CNTN6: variants seen among roughly 807,000 people sequenced by gnomAD.
The protein encoded by CNTN6 is contactin-6.
A neutral mutation model predicts 122.8 loss-of-function variants in CNTN6; 137 were observed. The observed-to-expected ratio is 1.12, with a 90% CI of 0.97 to 1.29. The LOEUF is 1.29. Among genes scored for constraint, CNTN6 ranks in the 50% most tolerant of loss-of-function variants. CNTN6 has a pLI of 0.00. For missense variants in CNTN6, 1,634 were observed against 1,223.4 expected, an observed-to-expected ratio of 1.34 and a Z score of -5.01; for synonymous variants, 570 against 426.0, an observed-to-expected ratio of 1.34 and a Z score of -4.16.
chr3:1,115,674 C>G (rs2091689754), intron 1 of CNTN6, among the ~76,000 whole-genome samples: 1 of 152,176 alleles, frequency 6.6e-6, no homozygotes, highest in African/African-American at 2.4e-5. Context: ...ATTGCTTGAA[C>G]CCGGGAGGCA....
intron 20 of CNTN6, among the ~76,000 whole-genome samples, chr3:1,393,734 A>G (rs150696336): frequency 1.6e-4 from 24 of 152,158 alleles, no homozygotes; most frequent in African/African-American, 4.6e-4. Context: ...AACTTTTATT[A>G]TACATAATCC....
intron 20 of CNTN6, among the ~76,000 whole-genome samples, chr3:1,399,944 TG>T (rs1695473076): frequency 6.6e-6 from 1 of 152,048 alleles, no homozygotes; most frequent in South Asian, 2.1e-4. Flanking sequence ...ACATCCCAAC[TG>T]GACTGTAAGT....
At chr3:1,237,060 A>G (rs1336922443) in intron 4 of CNTN6, among the ~76,000 whole-genome samples, 3 of 152,054 alleles carry the variant, frequency 2.0e-5, no homozygotes, top group Non-Finnish European at 2.9e-5. Context: ...CAGCCTGGGC[A>G]ACAGTGCGAG....
In CNTN6 at chr3:1,289,178, GT is replaced by G. The variant is rs71619484; in HGVS notation, c.455-6413del. ...GGTTTTTAAACTTCCAGTTTGGAAG[GT>G]TTTTTTTTTCTTTCCCCATTGAAAG... On this transcript the variant is annotated intron_variant, in intron 5 of 22. Coordinates refer to ENST00000446702, the MANE Select transcript of CNTN6 (RefSeq NM_001289080.2). Among the ~76,000 whole-genome samples, 6 of 150,568 alleles carry G rather than the reference GT, an allele frequency of 4.0e-5. No homozygotes were observed. In the South Asian group the frequency reaches 6.3e-4, roughly 16 times the overall value.
chr3:1,310,395 A>C (rs1373283483), intron 7 of CNTN6, among the ~76,000 whole-genome samples: 2 of 152,066 alleles, frequency 1.3e-5, no homozygotes. Context: ...TTTTTCTTCT[A>C]TTCATTAGTG....
intron 1 of CNTN6, among the ~76,000 whole-genome samples, chr3:1,108,823 A>G (rs1313602095): frequency 1.3e-5 from 2 of 152,090 alleles, no homozygotes; most frequent in South Asian, 2.1e-4. Flanking sequence ...AAGATTTACT[A>G]TTTTGTAAGG....
At chr3:1,096,853 C>G (rs2090552642) in intron 1 of CNTN6, among the ~76,000 whole-genome samples, 1 of 152,170 alleles carries the variant, frequency 6.6e-6, no homozygotes, top group African/African-American at 2.4e-5. Context: ...TGTCCACTAA[C>G]ATTTTCACTG....
intron 11 of CNTN6, among the ~76,000 whole-genome samples, chr3:1,344,898 T>C (rs1305148979): frequency 6.6e-6 from 1 of 152,174 alleles, no homozygotes; most frequent in Non-Finnish European, 1.5e-5. Flanking sequence ...AGTGGCCAGA[T>C]TTAGGTTTGT....
At chr3:1,226,202 G>A (rs1336238009) in intron 3 of CNTN6, among the ~76,000 whole-genome samples, 2 of 151,986 alleles carry the variant, frequency 1.3e-5, no homozygotes, top group South Asian at 2.1e-4. Context: ...TATGTAAAAT[G>A]TCATTTTTTA....
chr3:1,332,660 C>A lies in CNTN6; in HGVS notation c.1364+2725C>A, dbSNP rs190208944. On this transcript the variant is annotated intron_variant, in intron 11 of 22. Transcript: ENST00000446702. ...TATAGTAAAAAGATTTCAGCCCCCA[C>A]CCTGTTGAGAGCCTGACTTTGGCAA... is the stretch of plus-strand genomic sequence containing the variant. 5.9e-5 allele frequency among the ~76,000 whole-genome samples: 9 copies of A among 152,024 alleles called. No homozygotes were observed. In the East Asian group the frequency reaches 9.7e-4, roughly 16 times the overall value.
chr3:1,163,964 T>G (rs2093191432), intron 2 of CNTN6, among the ~76,000 whole-genome samples: 1 of 152,174 alleles, frequency 6.6e-6, no homozygotes, highest in Non-Finnish European at 1.5e-5. Flanking sequence ...AACAACAAGT[T>G]TCACTAGACT....
intron 5 of CNTN6, among the ~76,000 whole-genome samples, chr3:1,285,035 A>C (rs1202277620): frequency 1.3e-5 from 2 of 152,288 alleles, no homozygotes; most frequent in Non-Finnish European, 2.9e-5. Flanking sequence ...GCTTTCTCTG[A>C]CTTTCATTTG....
chr3:1,131,623 G>A lies in CNTN6; in HGVS notation c.-82-16304G>A, dbSNP rs569054387. On this transcript the variant is annotated intron_variant, in intron 1 of 22. Transcript: ENST00000446702. ...GTGTGGCAAGGAAGACCTCAAGGCAGTTAGCACCTGGGAACCTCCAGGGAT... is the reference window on the plus strand; with the variant it reads ...GTGTGGCAAGGAAGACCTCAAGGCAATTAGCACCTGGGAACCTCCAGGGAT... Among the ~76,000 whole-genome samples, 12 of 152,252 alleles carry A rather than the reference G, an allele frequency of 7.9e-5. No individual in the cohort carries two copies. The South Asian group carries it at 2.5e-3, about 32-fold the overall frequency.
At chr3:1,378,615 C>T (rs936265061) in intron 17 of CNTN6, among the ~76,000 whole-genome samples, 2 of 151,998 alleles carry the variant, frequency 1.3e-5, no homozygotes, top group East Asian at 1.9e-4. Flanking sequence ...AGGGGGAAAC[C>T]CTATTTTTTC....
chr3:1,234,941 A>T (rs905380962), intron 4 of CNTN6, among the ~76,000 whole-genome samples: 1 of 152,198 alleles, frequency 6.6e-6, no homozygotes, highest in Admixed American at 6.5e-5. Flanking sequence ...AAACAAATAG[A>T]CTGTAAGCAG....
At chr3:1,119,352 T>TGTGTGTGTGTGTGTGG (rs1323991755) in intron 1 of CNTN6, among the ~76,000 whole-genome samples, 112 of 150,842 alleles carry the variant, frequency 7.4e-4, no homozygotes, top group Admixed American at 2.1e-3. Flanking sequence ...TGTGTGTGTG[T>TGTGTGTGTGTGTGTGG]GGAGAATGTC....
chr3:1,383,440 A>C (rs749123377), intron 19 of CNTN6, 32 bp downstream of exon 19: 3 of 1,541,670 alleles, frequency 1.9e-6, no homozygotes, highest in Non-Finnish European at 1.8e-6. Flanking sequence ...TTTGCTTATG[A>C]ATGTGCCAAT....
chr3:1,393,509 T>A (rs1358587683), intron 20 of CNTN6, among the ~76,000 whole-genome samples: 1 of 146,474 alleles, frequency 6.8e-6, no homozygotes, highest in Non-Finnish European at 1.5e-5. Context: ...TATACATATG[T>A]AACTAACCTG....
At chr3:1,111,833 T>A (rs2091494188) in intron 1 of CNTN6, among the ~76,000 whole-genome samples, 1 of 152,162 alleles carries the variant, frequency 6.6e-6, no homozygotes, top group Non-Finnish European at 1.5e-5. Flanking sequence ...TTTTGAAAAG[T>A]TGTGCCGTGC....
Sources: allele counts gnomAD v4.1 joint callset (sites outside exome capture counted in the v4.1 genomes callset), GRCh38; gene constraint gnomAD v4.1.1; transcripts MANE v1.5; gene names NCBI Gene and HGNC (gene_info 2026-07-23, HGNC 2026-07-21).